ADGRL2: variants seen among roughly 807,000 people sequenced by gnomAD.
ADGRL2 encodes adhesion G protein-coupled receptor L2, also known as calcium-independent alpha-latrotoxin receptor 2.
In ADGRL2, 44 loss-of-function variants were observed where a neutral mutation model predicts 157.4. The observed-to-expected ratio is 0.28, with a 90% confidence interval of 0.22 to 0.36. The LOEUF (loss-of-function observed/expected upper bound fraction) is 0.36, where lower values mean the gene tolerates loss of function less well. ADGRL2 is among the 10% of genes least tolerant of loss of function. The pLI is 1.00. For synonymous variants in ADGRL2, 585 were observed against 624.7 expected (o/e 0.94, Z 0.95); for missense variants, 1,510 against 1,768.9 (o/e 0.85, Z 2.63).
intron 2 of ADGRL2, chr1:81,502,436 A>G (rs1250186551): frequency 5.6e-6 from 9 of 1,613,948 alleles, no homozygotes; most frequent in East Asian, 4.5e-5. Flanking sequence ...TCCTGAAAGG[A>G]AAGAGTTCCT....
At chr1:81,579,005 G>A (rs970424546) in intron 2 of ADGRL2, among the ~76,000 whole-genome samples, 1 of 152,200 alleles carries the variant, frequency 6.6e-6, no homozygotes, top group African/African-American at 2.4e-5. Context: ...CTCATTCCCT[G>A]CTCAGAACAG....
chr1:81,360,883 C>A (rs1463479552), intron 1 of ADGRL2, among the ~76,000 whole-genome samples: 3 of 151,842 alleles, frequency 2.0e-5, no homozygotes, highest in African/African-American at 7.3e-5. Flanking sequence ...ATGAAACATT[C>A]CAAATACATT....
chr1:81,582,249 T>C (rs1924557), intron 3 of ADGRL2, among the ~76,000 whole-genome samples: 34,638 of 151,776 alleles, frequency 0.23, 5,083 homozygotes, highest in African/African-American at 0.39. Flanking sequence ...GTTAAAAATA[T>C]GTTAAGGGGA....
At chr1:81,923,839 T>G (rs1264748444) in intron 3 of ADGRL2, among the ~76,000 whole-genome samples, 5 of 152,124 alleles carry the variant, frequency 3.3e-5, no homozygotes, top group African/African-American at 1.2e-4. Flanking sequence ...AATTACTGTG[T>G]GAGGCCTGAT....
chr1:81,716,991 G>T (rs2084139874), intron 1 of ADGRL2, among the ~76,000 whole-genome samples: 1 of 152,112 alleles, frequency 6.6e-6, no homozygotes. Flanking sequence ...TTGTCATGAG[G>T]CTTATATGGG....
chr1:81,537,678 T>G (rs2079776742), intron 2 of ADGRL2, among the ~76,000 whole-genome samples: 1 of 151,952 alleles, frequency 6.6e-6, no homozygotes, highest in Non-Finnish European at 1.5e-5. Context: ...GCCTGTCTTC[T>G]TTTTCTTTTT....
intron 3 of ADGRL2, among the ~76,000 whole-genome samples, chr1:81,658,847 G>T (rs554465401): frequency 3.7e-4 from 56 of 152,040 alleles, no homozygotes; most frequent in Admixed American, 1.0e-3. Context: ...TGCCTCCCGG[G>T]TTGATGTGAT....
At chr1:81,857,390 G>A (rs2093238353) in intron 2 of ADGRL2, among the ~76,000 whole-genome samples, 1 of 152,194 alleles carries the variant, frequency 6.6e-6, no homozygotes, top group South Asian at 2.1e-4. Flanking sequence ...GTTTATAAAT[G>A]TATAAGCACT....
chr1:81,960,111 C>A (rs1654862203), intron 11 of ADGRL2, among the ~76,000 whole-genome samples: 1 of 152,012 alleles, frequency 6.6e-6, no homozygotes, highest in African/African-American at 2.4e-5. Context: ...AGTATTTTTT[C>A]ATTAAAAGTT....
At chr1:81,489,120 C>A (rs9425229) in intron 2 of ADGRL2, among the ~76,000 whole-genome samples, 22,166 of 151,858 alleles carry the variant, frequency 0.15, 3,001 homozygotes, top group African/African-American at 0.36. Flanking sequence ...TCCTGTAATC[C>A]CAGCTACTCT....
intron 2 of ADGRL2, among the ~76,000 whole-genome samples, chr1:81,886,492 A>C (rs958775695): frequency 6.6e-6 from 1 of 152,182 alleles, no homozygotes; most frequent in Non-Finnish European, 1.5e-5. Flanking sequence ...ATATTGCCCA[A>C]ATTATAGTCT....
intron 3 of ADGRL2, chr1:81,596,155 G>T: frequency 2.2e-6 from 1 of 456,552 alleles, no homozygotes; most frequent in South Asian, 1.9e-5. Context: ...GTTGACTTAA[G>T]CATCCGCAAT....
chr1:81,782,983 C>G (rs530610387), intron 2 of ADGRL2, among the ~76,000 whole-genome samples: 144 of 152,302 alleles, frequency 9.5e-4, no homozygotes, highest in Non-Finnish European at 1.7e-3. Context: ...CTGGCCTCAT[C>G]ATCAGGTGAT....
chr1:81,664,799 C>T (rs773939767), intron 3 of ADGRL2, among the ~76,000 whole-genome samples: 7 of 152,194 alleles, frequency 4.6e-5, no homozygotes, highest in Non-Finnish European at 1.0e-4. Flanking sequence ...GAAAATACTG[C>T]GTCTTTGCTT....
At chr1:81,631,802 T>C (rs1030039180) in intron 3 of ADGRL2, among the ~76,000 whole-genome samples, 1 of 151,978 alleles carries the variant, frequency 6.6e-6, no homozygotes, top group Admixed American at 6.6e-5. Context: ...CATTCTCACT[T>C]CCCCCTGCCT....
intron 2 of ADGRL2, among the ~76,000 whole-genome samples, chr1:81,839,788 C>CAT (rs1221047557): frequency 2.5e-4 from 35 of 142,316 alleles, no homozygotes; most frequent in South Asian, 6.5e-4. Context: ...TATTTTCCAT[C>CAT]ATATATATAT....
Position 81,705,085 on chromosome 1 carries a change from C to A in ADGRL2, c.-143+5277C>A, listed in dbSNP as rs182818861. 1.3e-4 allele frequency among the ~76,000 whole-genome samples: 20 copies of A among 152,252 alleles called. No individual in the cohort carries two copies. The East Asian group carries it at 3.9e-3, about 29-fold the overall frequency. ...ATTTATTTATTGAGACAGAGTCCCGCTCTGTCGCCCAGGCTGGAATGCAGT... is the reference window on the plus strand; with the variant it reads ...ATTTATTTATTGAGACAGAGTCCCGATCTGTCGCCCAGGCTGGAATGCAGT... On this transcript the variant is annotated intron_variant, in intron 1 of 20. Coordinates refer to the ADGRL2 transcript ENST00000359929.
At position 81,943,881 on chromosome 1, in the gene ADGRL2, C is replaced by A. The variant is rs1365624816; in HGVS notation, c.1210+112C>A. 4 of 773,890 alleles carry A rather than the reference C, an allele frequency of 5.2e-6. No individual in the cohort carries two copies. Among genetic ancestry groups the A allele is most frequent in the Admixed American group, 2.7e-5 (1 of 37,580 alleles). 47.9% of individuals were successfully genotyped at this position (773,890 alleles called of 1,614,324 possible). On this transcript the variant is annotated intron_variant, in intron 6 of 23. Coordinates refer to ENST00000686636, the MANE Select transcript of ADGRL2 (RefSeq NM_001366006.2). The surrounding 1 kb of genome is among the most constrained non-coding windows in gnomAD (Gnocchi z 5.6). The stretch of plus-strand genomic sequence containing the variant: ...TCTTCCCCTTTTCATAGTTAAAGGA[C>A]AAAGGACAATGTTGTGGTACATTTT...
rs1572413093 is a variant in ADGRL2, at chr1:81,966,672, A to T, written c.2349+63A>T. On this transcript the variant is annotated intron_variant, in intron 13 of 23. Transcript: ENST00000686636. The stretch of plus-strand genomic sequence containing the variant: ...TAAAAGCAGAAAGAAAGGAAAGCAA[A>T]ACTGAGGTGCTGGGGATGGGGAGAG... 18 of 1,418,906 alleles carry T rather than the reference A, an allele frequency of 1.3e-5. No individual in the cohort carries two copies. The East Asian group carries it at 4.1e-4, about 32-fold the overall frequency. 87.9% of individuals were successfully genotyped at this position (1,418,906 alleles called of 1,614,324 possible).
Sources: gnomAD v4.1 joint callset for allele counts (sites outside exome capture counted in the v4.1 genomes callset) on GRCh38, gnomAD v4.1.1 for gene constraint, Gnocchi (gnomAD v3.1) non-coding constraint, MANE v1.5 for transcripts, NCBI Gene and HGNC (gene_info 2026-07-23, HGNC 2026-07-21) for gene names.